RASAL2: variants seen among roughly 807,000 people sequenced by gnomAD.
RASAL2 encodes ras GTPase-activating protein nGAP.
RASAL2 carries 58 observed loss-of-function variants against 128.9 expected under a neutral mutation model. The observed-to-expected ratio is 0.45, with a 90% CI of 0.36 to 0.56. RASAL2 has a LOEUF of 0.56. RASAL2 is among the 20% of genes least tolerant of loss of function. The pLI is 0.00. For missense variants in RASAL2, 1,360 were observed against 1,601.6 expected (o/e 0.85, Z 2.57); for synonymous variants, 561 against 580.8 (o/e 0.97, Z 0.49).
At chr1:178,243,578 G>T (rs1405665013) in intron 1 of RASAL2, among the ~76,000 whole-genome samples, 1 of 148,346 alleles carries the variant, frequency 6.7e-6, no homozygotes, top group African/African-American at 2.5e-5. Flanking sequence ...CCTTGCTAGT[G>T]ATGCTAGGCT....
intron 1 of RASAL2, among the ~76,000 whole-genome samples, chr1:178,230,777 G>C (rs913406423): frequency 1.3e-5 from 2 of 152,174 alleles, no homozygotes; most frequent in Non-Finnish European, 2.9e-5. Context: ...TTGGAGGACA[G>C]ATGTCTCCAT....
At chr1:178,143,951 T>G (rs1024788622) in intron 1 of RASAL2, among the ~76,000 whole-genome samples, 1 of 152,152 alleles carries the variant, frequency 6.6e-6, no homozygotes, top group African/African-American at 2.4e-5. Flanking sequence ...AAGTGTTATA[T>G]CATAAGTGGT....
At position 178,474,436 on chromosome 1, in the gene RASAL2, C is replaced by G. The variant is rs1056066387; in HGVS notation, c.*1197C>G. The G allele has an allele frequency of 6.6e-6, 1 of 152,170 alleles. No homozygotes were observed. Among genetic ancestry groups the G allele is most frequent in the Non-Finnish European group, 1.5e-5 (1 of 68,030 alleles). 9.4% of individuals were successfully genotyped at this position (152,170 alleles called of 1,614,324 possible). On this transcript the variant is annotated 3_prime_UTR_variant, in exon 18 of 18. Coordinates refer to ENST00000367649, the MANE Select transcript of RASAL2 (RefSeq NM_170692.4). ...AAGGAAATCCAAATTTGAAGCATCA[C>G]TCTCTTAAAAGAAAAAGAAAATAAT...
chr1:178,324,930 T>C lies in RASAL2; in HGVS notation c.457+24812T>C, dbSNP rs527808851. Among the ~76,000 whole-genome samples, 17 of 152,282 alleles carry C rather than the reference T, an allele frequency of 1.1e-4. No homozygotes were observed. In the South Asian group the frequency reaches 3.1e-3, roughly 28 times the overall value. ...CCCTTGGCACCCACCTGCCAACTGGTCTCTCTAGTAACAATGCTTAACCAA... is the reference window on the plus strand; with the variant it reads ...CCCTTGGCACCCACCTGCCAACTGGCCTCTCTAGTAACAATGCTTAACCAA... On this transcript the variant is annotated intron_variant, in intron 3 of 17. Transcript: ENST00000367649.
intron 7 of RASAL2, 136 bp from the exon 8 acceptor site, chr1:178,442,539 A>G: frequency 1.5e-6 from 1 of 658,984 alleles, no homozygotes; most frequent in Admixed American, 3.0e-5. Context: ...TAACCTAAGC[A>G]ATGAGATAGC....
At chr1:178,249,412 A>G (rs1323889786) in intron 1 of RASAL2, among the ~76,000 whole-genome samples, 1 of 151,870 alleles carries the variant, frequency 6.6e-6, no homozygotes, top group East Asian at 1.9e-4. Flanking sequence ...GTTCTTCTCT[A>G]AACTGGTTAT....
intron 3 of RASAL2, among the ~76,000 whole-genome samples, chr1:178,309,343 C>A (rs769941993): frequency 4.6e-5 from 7 of 152,020 alleles, no homozygotes; most frequent in Non-Finnish European, 1.0e-4. Flanking sequence ...TGCATAATAT[C>A]TAGGCATTAT....
At chr1:178,254,857 A>G (rs1482021878) in intron 1 of RASAL2, among the ~76,000 whole-genome samples, 1 of 152,186 alleles carries the variant, frequency 6.6e-6, no homozygotes, top group Non-Finnish European at 1.5e-5. Flanking sequence ...AAAGAAATTC[A>G]TAGGCACATA....
chr1:178,438,436 T>G (rs1344999628), intron 5 of RASAL2, among the ~76,000 whole-genome samples: 1 of 151,980 alleles, frequency 6.6e-6, no homozygotes, highest in Non-Finnish European at 1.5e-5. Flanking sequence ...TACTAAGTAC[T>G]TCTGCTTGAA....
intron 1 of RASAL2, among the ~76,000 whole-genome samples, chr1:178,152,340 T>G (rs1353520826): frequency 6.6e-6 from 1 of 152,184 alleles, no homozygotes; most frequent in Non-Finnish European, 1.5e-5. Context: ...ATCTCTTTCA[T>G]TTGACTGTTC....
At chr1:178,283,718 T>TA in intron 2 of RASAL2, 27 bp downstream of exon 2, 2 of 1,605,882 alleles carry the variant, frequency 1.2e-6, no homozygotes. Context: ...TCAGGAAAGT[T>TA]AGTTTCCTTT....
chr1:178,289,300 C>A (rs1667174181), intron 2 of RASAL2, among the ~76,000 whole-genome samples: 1 of 152,092 alleles, frequency 6.6e-6, no homozygotes. Flanking sequence ...TTCTTTCCTG[C>A]CTCTCTGGAA....
chr1:178,445,986 G>C lies in RASAL2; in HGVS notation c.1627+324G>C, dbSNP rs547117660. ...TGCCCAAAGTTTTGGGTGTTTATAT[G>C]ATGATATTATTACCTAGTCTTGAGA... is the stretch of plus-strand genomic sequence containing the variant. On this transcript the variant is annotated intron_variant, in intron 9 of 17. Transcript: ENST00000367649. 4.6e-5 allele frequency among the ~76,000 whole-genome samples: 7 copies of C among 152,288 alleles called. No individual in the cohort carries two copies. The South Asian group carries it at 1.4e-3, about 32-fold the overall frequency.
chr1:178,213,490 G>A (rs903064701), intron 1 of RASAL2, among the ~76,000 whole-genome samples: 6 of 152,212 alleles, frequency 3.9e-5, no homozygotes, highest in East Asian at 1.9e-4. Context: ...AACTGGATAC[G>A]ATCAAATGTT....
chr1:178,284,485 T>C (rs1378664134), intron 2 of RASAL2, among the ~76,000 whole-genome samples: 2 of 152,230 alleles, frequency 1.3e-5, no homozygotes, highest in Admixed American at 6.5e-5. Flanking sequence ...AGAATAGATC[T>C]GGCGAGGTAG....
intron 1 of RASAL2, among the ~76,000 whole-genome samples, chr1:178,176,676 C>T (rs1225557108): frequency 3.3e-5 from 5 of 151,248 alleles, no homozygotes; most frequent in African/African-American, 1.2e-4. Flanking sequence ...GAGACTCCCT[C>T]CCTCATTCCT....
At chr1:178,457,341 T>G (rs145228313) in intron 13 of RASAL2, among the ~76,000 whole-genome samples, 50 of 152,340 alleles carry the variant, frequency 3.3e-4, no homozygotes, top group African/African-American at 1.2e-3. Context: ...AGTTGTGTGC[T>G]TAGAACTTCT....
At chr1:178,265,820 A>C (rs543179372) in intron 1 of RASAL2, among the ~76,000 whole-genome samples, 2 of 152,202 alleles carry the variant, frequency 1.3e-5, no homozygotes, top group Non-Finnish European at 2.9e-5. Context: ...CTGACTTTTA[A>C]TACTATAGAT....
At chr1:178,345,284 T>G (rs560030336) in intron 3 of RASAL2, among the ~76,000 whole-genome samples, 1 of 152,288 alleles carries the variant, frequency 6.6e-6, no homozygotes, top group South Asian at 2.1e-4. Flanking sequence ...TGCAGCCCTA[T>G]TCTTTGAAGA....
Sources: allele counts gnomAD v4.1 joint callset (sites outside exome capture counted in the v4.1 genomes callset), GRCh38; gene constraint gnomAD v4.1.1; transcripts MANE v1.5; gene names NCBI Gene and HGNC (gene_info 2026-07-23, HGNC 2026-07-21).